The following CNTN4 variants were observed in gnomAD, a reference collection of about 807,000 sequenced individuals.
The protein encoded by CNTN4 is contactin-4.
In CNTN4, 77 loss-of-function variants were observed where a neutral mutation model predicts 122.5. The ratio of observed to expected loss-of-function variants is 0.63; its 90% confidence interval spans 0.52 to 0.76. CNTN4 has a LOEUF of 0.76. Among genes scored for constraint, CNTN4 ranks in the 30% least tolerant of loss-of-function variants. CNTN4 has a pLI of 0.00. For missense variants in CNTN4, 1,256 were observed against 1,259.1 expected, an observed-to-expected ratio of 1.00 and a Z score of 0.04; for synonymous variants, 512 against 447.0, an observed-to-expected ratio of 1.15 and a Z score of -1.83.
intron 3 of CNTN4, among the ~76,000 whole-genome samples, chr3:2,471,500 C>T (rs767984072): frequency 3.3e-5 from 5 of 152,120 alleles, no homozygotes; most frequent in Non-Finnish European, 5.9e-5. Context: ...AAGTGAGTGG[C>T]ATCTGTGTTT....
chr3:2,108,483 A>C (rs767166517), intron 2 of CNTN4, among the ~76,000 whole-genome samples: 3 of 152,074 alleles, frequency 2.0e-5, no homozygotes, highest in Admixed American at 6.5e-5. Context: ...AAGCCAGGAG[A>C]AATTTGTTGC....
At chr3:2,743,451 A>G (rs1278541073) in intron 5 of CNTN4, among the ~76,000 whole-genome samples, 1 of 152,206 alleles carries the variant, frequency 6.6e-6, no homozygotes, top group Non-Finnish European at 1.5e-5. Flanking sequence ...ATACAAACAC[A>G]TAAAGAGGTA....
chr3:2,491,406 A>ATGTG (rs2076313369), intron 3 of CNTN4, among the ~76,000 whole-genome samples: 3 of 152,234 alleles, frequency 2.0e-5, no homozygotes, highest in Non-Finnish European at 4.4e-5. Context: ...ATACACGTGT[A>ATGTG]TAGATAGATA....
chr3:2,648,737 G>A (rs2083238512), intron 4 of CNTN4, among the ~76,000 whole-genome samples: 1 of 152,096 alleles, frequency 6.6e-6, no homozygotes, highest in South Asian at 2.1e-4. Flanking sequence ...CTTTCACTTT[G>A]AATAAAAAAC....
At chr3:2,393,747 G>C (rs1290094114) in intron 3 of CNTN4, among the ~76,000 whole-genome samples, 1 of 152,090 alleles carries the variant, frequency 6.6e-6, no homozygotes, top group Non-Finnish European at 1.5e-5. Context: ...TACCTAAAGA[G>C]ATCAAGGAAA....
intron 4 of CNTN4, among the ~76,000 whole-genome samples, chr3:2,639,578 T>G (rs2082813744): frequency 6.6e-6 from 1 of 152,248 alleles, no homozygotes; most frequent in Non-Finnish European, 1.5e-5. Context: ...TATTATATGT[T>G]TAATAAATTC....
At chr3:3,037,439 C>T in intron 18 of CNTN4, 111 bp downstream of exon 18, 1 of 1,413,570 alleles carries the variant, frequency 7.1e-7, no homozygotes, top group Non-Finnish European at 1.0e-6. Context: ...TGTTAGCTCA[C>T]CCTTCCCTTT....
At chr3:2,194,224 G>A (rs940178594) in intron 2 of CNTN4, among the ~76,000 whole-genome samples, 3 of 152,120 alleles carry the variant, frequency 2.0e-5, no homozygotes, top group Non-Finnish European at 2.9e-5. Context: ...AGGACTTTGG[G>A]AGGCTGAGGC....
chr3:2,746,854 A>G (rs1377356559), intron 6 of CNTN4, among the ~76,000 whole-genome samples: 1 of 152,214 alleles, frequency 6.6e-6, no homozygotes, highest in East Asian at 1.9e-4. Flanking sequence ...GAATAATAGG[A>G]GAATAATATG....
At chr3:2,785,895 G>GGGGGGGGGGGGGGGGCC (rs2091793272) in intron 6 of CNTN4, among the ~76,000 whole-genome samples, 1 of 81,668 alleles carries the variant, frequency 1.2e-5, no homozygotes. Flanking sequence ...GGCCCACGCT[G>GGGGGGGGGGGGGGGGCC]CCCCCCCCCG....
intron 6 of CNTN4, among the ~76,000 whole-genome samples, chr3:2,771,113 G>A (rs972807734): frequency 6.6e-6 from 1 of 152,188 alleles, no homozygotes; most frequent in African/African-American, 2.4e-5. Context: ...CAAAATGACT[G>A]TCATTAAAGT....
chr3:2,107,189 A>G (rs921327160), intron 2 of CNTN4, among the ~76,000 whole-genome samples: 2 of 152,126 alleles, frequency 1.3e-5, no homozygotes, highest in Non-Finnish European at 1.5e-5. Flanking sequence ...CTGTTACCCA[A>G]TTACAAAGTT....
Position 2,355,777 on chromosome 3 carries a change from A to G in CNTN4, c.-89+16544A>G, listed in dbSNP as rs2044846380. On this transcript the variant is annotated intron_variant, in intron 3 of 24. Transcript: ENST00000418658. ...GTGAGAAAAATCTCCTGCTCCAAACAGTTTTTAGTACAAGGAAAAACCAGG... is the reference window on the plus strand; with the variant it reads ...GTGAGAAAAATCTCCTGCTCCAAACGGTTTTTAGTACAAGGAAAAACCAGG... Among the ~76,000 whole-genome samples, 3 of 152,348 alleles carry G rather than the reference A, an allele frequency of 2.0e-5. No individual in the cohort carries two copies. In the South Asian group the frequency reaches 6.2e-4, roughly 32 times the overall value.
intron 2 of CNTN4, among the ~76,000 whole-genome samples, chr3:2,170,068 TC>T (rs1410439730): frequency 6.6e-6 from 1 of 151,990 alleles, no homozygotes; most frequent in African/African-American, 2.4e-5. Context: ...ACGCCTGTAA[TC>T]CCAGCACTTT....
intron 3 of CNTN4, among the ~76,000 whole-genome samples, chr3:2,570,119 T>A (rs1343141182): frequency 6.6e-6 from 1 of 152,088 alleles, no homozygotes; most frequent in Non-Finnish European, 1.5e-5. Context: ...TAACTTCATG[T>A]TGCAATCCTT....
At chr3:2,997,933 A>C (rs966474101) in intron 14 of CNTN4, among the ~76,000 whole-genome samples, 15 of 152,336 alleles carry the variant, frequency 9.8e-5, no homozygotes, top group Admixed American at 9.1e-4. Context: ...AAACATACCA[A>C]CTGTCATCTT....
intron 2 of CNTN4, among the ~76,000 whole-genome samples, chr3:2,304,958 A>G (rs1407899364): frequency 1.3e-5 from 2 of 151,958 alleles, no homozygotes; most frequent in East Asian, 3.9e-4. Context: ...TAAGCCACTA[A>G]TAAGGGCAAA....
chr3:2,744,818 A>G (rs9822614), intron 5 of CNTN4, among the ~76,000 whole-genome samples: 34,761 of 152,156 alleles, frequency 0.23, 4,233 homozygotes, highest in East Asian at 0.37. Context: ...TAAATACTCT[A>G]GTCACATACA....
intron 2 of CNTN4, among the ~76,000 whole-genome samples, chr3:2,267,566 C>G (rs1245476958): frequency 6.6e-6 from 1 of 151,976 alleles, no homozygotes; most frequent in African/African-American, 2.4e-5. Flanking sequence ...GACTCATGAA[C>G]TTTATAAGAA....
Sources: allele counts gnomAD v4.1 joint callset (sites outside exome capture counted in the v4.1 genomes callset), GRCh38; gene constraint gnomAD v4.1.1; transcripts MANE v1.5; gene names NCBI Gene and HGNC (gene_info 2026-07-23, HGNC 2026-07-21).